Variants in HSD17B12 observed in about 807,000 individuals in gnomAD.
The protein encoded by HSD17B12 is very-long-chain 3-oxoacyl-CoA reductase.
Under a neutral mutation model 39.3 loss-of-function variants are expected in HSD17B12, and 32 were observed. The ratio of observed to expected loss-of-function variants is 0.81; its 90% confidence interval spans 0.61 to 1.09. The LOEUF is 1.09. Ranked by LOEUF, HSD17B12 falls within the 50% of genes least tolerant of loss-of-function variation. The pLI is 0.00. For synonymous variants in HSD17B12, 150 were observed against 146.7 expected (o/e 1.02, Z -0.16); for missense variants, 342 against 382.9 (o/e 0.89, Z 0.89).
At chr11:43,574,972 G>T in the HSD17B12 span, among the ~76,000 whole-genome samples, 1 of 152,162 alleles carries the variant, frequency 6.6e-6, no homozygotes, top group African/African-American at 2.4e-5. Flanking sequence ...AGAGCAGAGG[G>T]GAAAGCCGCA....
At chr11:43,761,527 T>C (rs1180819793) in intron 3 of HSD17B12, among the ~76,000 whole-genome samples, 2 of 152,244 alleles carry the variant, frequency 1.3e-5, no homozygotes, top group South Asian at 2.1e-4. Flanking sequence ...CACAAGTTTT[T>C]CTGGTCAGGA....
chr11:43,662,377 TTGTGTGTGTGTGTGTGTGTG>T, the HSD17B12 span, among the ~76,000 whole-genome samples: 1 of 128,480 alleles, frequency 7.8e-6, no homozygotes, highest in South Asian at 2.6e-4. Context: ...TTTATTTTAT[TTGTGTGTGTGTGTGTGTGTG>T]TGTGTGTGTG....
intron 1 of HSD17B12, among the ~76,000 whole-genome samples, chr11:43,707,376 T>C (rs1172867330): frequency 6.6e-6 from 1 of 152,176 alleles, no homozygotes; most frequent in Non-Finnish European, 1.5e-5. Context: ...GGATGATGGT[T>C]AGGGAAGATT....
At chr11:43,674,809 C>T in the HSD17B12 span, among the ~76,000 whole-genome samples, 1 of 152,206 alleles carries the variant, frequency 6.6e-6, no homozygotes, top group African/African-American at 2.4e-5. Flanking sequence ...CACTCAATTT[C>T]TGCATTTTCT....
At chr11:43,758,542 A>G (rs1950530997) in intron 3 of HSD17B12, among the ~76,000 whole-genome samples, 2 of 152,216 alleles carry the variant, frequency 1.3e-5, no homozygotes, top group Non-Finnish European at 2.9e-5. Flanking sequence ...CAACTGGCAC[A>G]TTTAAATCTG....
intron 4 of HSD17B12, among the ~76,000 whole-genome samples, chr11:43,812,140 A>G (rs1951079057): frequency 6.6e-6 from 1 of 152,284 alleles, no homozygotes; most frequent in African/African-American, 2.4e-5. Context: ...ACTTAAGTCA[A>G]TTCCTTATCT....
chr11:43,650,288 G>A, the HSD17B12 span, among the ~76,000 whole-genome samples: 12 of 152,204 alleles, frequency 7.9e-5, no homozygotes, highest in East Asian at 2.3e-3. Flanking sequence ...AAACACAAGA[G>A]CCCTAATAGA....
chr11:43,801,466 A>G (rs903218574), intron 4 of HSD17B12, among the ~76,000 whole-genome samples: 14 of 152,124 alleles, frequency 9.2e-5, no homozygotes, highest in African/African-American at 2.7e-4. Flanking sequence ...GAACATCTGC[A>G]TTAACACTGC....
Position 43,810,367 on chromosome 11 carries a change from T to TTATATATATATATATATATATA in HSD17B12, c.392-5055_392-5034dup, listed in dbSNP as rs59970877. Among the ~76,000 whole-genome samples, 134 of 59,448 alleles carry TTATATATATATATATATATATA rather than the reference T, an allele frequency of 2.3e-3. 5 individuals are homozygous for TTATATATATATATATATATATA. Among genetic ancestry groups the TTATATATATATATATATATATA allele is most frequent in the African/African-American group, 6.6e-3 (100 of 15,132 alleles). 39.0% of individuals were successfully genotyped at this position (59,448 alleles called of 152,430 possible). A position where few individuals can be genotyped will look rare whatever the true frequency, so the allele number is the denominator to read the frequency against. The stretch of plus-strand genomic sequence containing the variant: ...ATTTTAAAGCAGTATAATTTAGAAA[T>TTATATATATATATATATATATA]TATATATATATATATATATATATAT... On this transcript the variant is annotated intron_variant, in intron 4 of 10. Coordinates refer to ENST00000278353, the MANE Select transcript of HSD17B12 (RefSeq NM_016142.3).
rs1206545700 is a variant in HSD17B12, at chr11:43,690,404, A to AT, written c.160+9434dup. On this transcript the variant is annotated intron_variant, in intron 1 of 10. Transcript: ENST00000278353. ...TATATATATATATATATATATATAT[A>AT]TTTTTTTTTTTTTTTTTCTGAGACA... Among the ~76,000 whole-genome samples the AT allele has an allele frequency of 1.7e-3, 42 of 24,954 alleles. 2 individuals are homozygous for AT. The highest frequency in any genetic ancestry group is 5.7e-3 in the African/African-American group (30 of 5,228). 16.4% of individuals were successfully genotyped at this position (24,954 alleles called of 152,430 possible).
intron 4 of HSD17B12, among the ~76,000 whole-genome samples, chr11:43,813,775 C>A (rs1031702431): frequency 6.6e-6 from 1 of 152,132 alleles, no homozygotes; most frequent in African/African-American, 2.4e-5. Context: ...TCTGGACCTG[C>A]TGTTATTAAT....
chr11:43,710,440 C>T (rs1222050366), intron 1 of HSD17B12, among the ~76,000 whole-genome samples: 2 of 152,148 alleles, frequency 1.3e-5, no homozygotes, highest in Non-Finnish European at 2.9e-5. Flanking sequence ...ATAAATATCT[C>T]AGAGACACTG....
At chr11:43,769,894 G>A (rs1374633742) in intron 3 of HSD17B12, among the ~76,000 whole-genome samples, 1 of 152,052 alleles carries the variant, frequency 6.6e-6, no homozygotes, top group Non-Finnish European at 1.5e-5. Context: ...GTATTCTTTC[G>A]ATAGAAGGGC....
At chr11:43,641,533 C>T in the HSD17B12 span, among the ~76,000 whole-genome samples, 1 of 151,914 alleles carries the variant, frequency 6.6e-6, no homozygotes, top group Non-Finnish European at 1.5e-5. Flanking sequence ...TGTGCAGTAA[C>T]AGGCAAACTT....
intron 1 of HSD17B12, among the ~76,000 whole-genome samples, chr11:43,689,290 A>G (rs1419244225): frequency 6.6e-6 from 1 of 152,196 alleles, no homozygotes; most frequent in Non-Finnish European, 1.5e-5. Context: ...CAAAATATCC[A>G]GAATCTAGTG....
chr11:43,636,248 C>T, the HSD17B12 span, among the ~76,000 whole-genome samples: 1 of 152,188 alleles, frequency 6.6e-6, no homozygotes, highest in African/African-American at 2.4e-5. Flanking sequence ...TGACCCTGTT[C>T]TCAACATGGA....
intron 3 of HSD17B12, among the ~76,000 whole-genome samples, chr11:43,776,557 C>T (rs1384578245): frequency 2.6e-5 from 4 of 152,088 alleles, no homozygotes; most frequent in African/African-American, 9.7e-5. Flanking sequence ...TTGTAGGTTG[C>T]CTGTTCACTC....
intron 3 of HSD17B12, among the ~76,000 whole-genome samples, chr11:43,790,566 A>T (rs1950858258): frequency 6.6e-6 from 1 of 152,150 alleles, no homozygotes; most frequent in Admixed American, 6.6e-5. Flanking sequence ...TAACCAAGAG[A>T]GATACTAAGT....
At chr11:43,718,904 A>C in intron 1 of HSD17B12, 4 of 977,174 alleles carry the variant, frequency 4.1e-6, no homozygotes, top group Non-Finnish European at 6.5e-6. Flanking sequence ...CTATGCTGTC[A>C]TCAAGTTTCC....
Sources: allele counts gnomAD v4.1 joint callset (sites outside exome capture counted in the v4.1 genomes callset), GRCh38; gene constraint gnomAD v4.1.1; transcripts MANE v1.5; gene names NCBI Gene and HGNC (gene_info 2026-07-23, HGNC 2026-07-21).